VIT: variants seen among roughly 807,000 people sequenced by gnomAD.
The protein encoded by VIT is vitrin.
A neutral mutation model predicts 78.0 loss-of-function variants in VIT; 99 were observed. The observed-to-expected ratio is 1.27, with a 90% CI of 1.08 to 1.50. VIT has a LOEUF of 1.50. VIT is among the 40% of genes most tolerant of loss of function. The pLI, the probability that VIT is intolerant of heterozygous loss-of-function variation, is 0.00. For synonymous variants in VIT, 374 were observed against 334.3 expected (o/e 1.12, Z -1.29); for missense variants, 1,126 against 875.3 (o/e 1.29, Z -3.61).
chr2:36,771,218 T>TA (rs35742156), intron 7 of VIT, among the ~76,000 whole-genome samples: 94,306 of 152,010 alleles, frequency 0.62, 29,922 homozygotes, highest in Admixed American at 0.74. Flanking sequence ...AAATGGCCAA[T>TA]AAAAAAATTG....
intron 1 of VIT, among the ~76,000 whole-genome samples, chr2:36,711,883 A>C (rs1172878565): frequency 6.6e-6 from 1 of 152,226 alleles, no homozygotes; most frequent in Non-Finnish European, 1.5e-5. Flanking sequence ...ACCAGGCTTC[A>C]TTTGCCTCAC....
At chr2:36,697,370 T>C (rs1213888872) in intron 1 of VIT, among the ~76,000 whole-genome samples, 1 of 152,252 alleles carries the variant, frequency 6.6e-6, no homozygotes, top group Admixed American at 6.5e-5. Context: ...AAATTGCTTA[T>C]AAAGATTGTG....
intron 12 of VIT, among the ~76,000 whole-genome samples, chr2:36,799,717 T>TG (rs938821054): frequency 3.9e-5 from 2 of 51,056 alleles, no homozygotes; most frequent in Non-Finnish European, 7.2e-5. Flanking sequence ...ACCCTGTCTC[T>TG]GAAAAAAAAA....
intron 3 of VIT, among the ~76,000 whole-genome samples, chr2:36,734,476 T>C (rs1179324042): frequency 6.6e-6 from 1 of 152,084 alleles, no homozygotes; most frequent in Non-Finnish European, 1.5e-5. Context: ...AGGCCTCCTC[T>C]CAAGCTGGGT....
At chr2:36,800,657 G>A (rs181300872) in intron 12 of VIT, among the ~76,000 whole-genome samples, 7 of 152,116 alleles carry the variant, frequency 4.6e-5, no homozygotes, top group Middle Eastern at 3.2e-3. Flanking sequence ...CCTCCACTCC[G>A]CCGCTTCGTG....
chr2:36,751,002 G>A lies in VIT; in HGVS notation c.276-3919G>A, dbSNP rs879374120. The stretch of plus-strand genomic sequence containing the variant: ...GGGCTACGCGTGGTGGCTCATGCCC[G>A]TAATCCCAACACTTTGGGAGGCCAA... On this transcript the variant is annotated intron_variant, in intron 4 of 15. Coordinates refer to ENST00000379242, the MANE Select transcript of VIT (RefSeq NM_053276.4). Among the ~76,000 whole-genome samples the A allele has an allele frequency of 6.6e-5, 10 of 152,120 alleles. No individual in the cohort carries two copies. In the South Asian group the frequency reaches 1.4e-3, roughly 22 times the overall value.
intron 12 of VIT, 134 bp from the exon 13 acceptor site, chr2:36,801,167 G>A: frequency 2.5e-6 from 2 of 803,276 alleles, no homozygotes; most frequent in Non-Finnish European, 4.1e-6. Context: ...TCCACAATGG[G>A]ACATTTTACA....
At chr2:36,750,884 C>A (rs541459373) in intron 4 of VIT, among the ~76,000 whole-genome samples, 2 of 152,184 alleles carry the variant, frequency 1.3e-5, no homozygotes, top group African/African-American at 4.8e-5. Context: ...CTCCTTCTAG[C>A]AGCATCTCAT....
At chr2:36,765,689 A>C (rs549988479) in intron 6 of VIT, among the ~76,000 whole-genome samples, 14 of 152,362 alleles carry the variant, frequency 9.2e-5, no homozygotes, top group African/African-American at 2.6e-4. Context: ...TTGAAAACTA[A>C]AGTGGCATGG....
intron 2 of VIT, 100 bp downstream of exon 2, chr2:36,716,522 A>C: frequency 2.1e-6 from 2 of 951,502 alleles, no homozygotes; most frequent in South Asian, 2.9e-5. Flanking sequence ...AGAGCATATA[A>C]ACAATACAGT....
intron 4 of VIT, among the ~76,000 whole-genome samples, chr2:36,744,215 A>G (rs189622685): frequency 8.5e-5 from 13 of 152,276 alleles, no homozygotes; most frequent in Admixed American, 8.5e-4. Flanking sequence ...TCACTGATAG[A>G]CACCTTCGTT....
chr2:36,703,850 G>A (rs1317917278), intron 1 of VIT, among the ~76,000 whole-genome samples: 2 of 151,856 alleles, frequency 1.3e-5, no homozygotes, highest in Non-Finnish European at 2.9e-5. Context: ...ATAGAATTCT[G>A]GTTCTGCTAT....
chr2:36,734,200 G>C (rs939994090), intron 3 of VIT, among the ~76,000 whole-genome samples: 2 of 152,130 alleles, frequency 1.3e-5, no homozygotes, highest in Admixed American at 6.5e-5. Context: ...CTAGAGAGAG[G>C]ACCAAGACAA....
intron 9 of VIT, among the ~76,000 whole-genome samples, chr2:36,778,686 C>T (rs764364187): frequency 3.9e-5 from 6 of 152,280 alleles, no homozygotes; most frequent in South Asian, 2.1e-4. Flanking sequence ...TTGTGTGATG[C>T]GCTACCAGCA....
At chr2:36,799,244 C>G (rs1327572677) in intron 12 of VIT, among the ~76,000 whole-genome samples, 1 of 152,182 alleles carries the variant, frequency 6.6e-6, no homozygotes, top group East Asian at 1.9e-4. Flanking sequence ...CAGACACTTT[C>G]TCCTCTCTCC....
chr2:36,729,093 G>A (rs1667037401), intron 2 of VIT, among the ~76,000 whole-genome samples: 2 of 152,032 alleles, frequency 1.3e-5, no homozygotes, highest in Admixed American at 6.5e-5. Context: ...ATATTTATCA[G>A]TTGTTAACAA....
intron 15 of VIT, among the ~76,000 whole-genome samples, chr2:36,810,524 C>A (rs1040205947): frequency 2.6e-5 from 4 of 152,102 alleles, no homozygotes; most frequent in South Asian, 2.1e-4. Flanking sequence ...AATACTACTA[C>A]TAATAAAAGT....
chr2:36,721,193 T>C (rs1281917530), intron 2 of VIT, among the ~76,000 whole-genome samples: 3 of 152,224 alleles, frequency 2.0e-5, no homozygotes, highest in Non-Finnish European at 4.4e-5. Flanking sequence ...GATGGCTATG[T>C]TAATTAGCTT....
At chr2:36,753,980 G>T (rs1199031803) in intron 4 of VIT, among the ~76,000 whole-genome samples, 1 of 152,210 alleles carries the variant, frequency 6.6e-6, no homozygotes, top group Admixed American at 6.5e-5. Context: ...TCTATGGAAT[G>T]AATGGCAATA....
Sources: allele counts gnomAD v4.1 joint callset (sites outside exome capture counted in the v4.1 genomes callset), GRCh38; gene constraint gnomAD v4.1.1; transcripts MANE v1.5; gene names NCBI Gene and HGNC (gene_info 2026-07-23, HGNC 2026-07-21).